The following FBN2 variants were observed in gnomAD, a reference collection of about 807,000 sequenced individuals.
FBN2 encodes fibrillin 2.
A neutral mutation model predicts 355.6 loss-of-function variants in FBN2; 105 were observed. The ratio of observed to expected loss-of-function variants is 0.30; its 90% CI spans 0.25 to 0.35. The LOEUF is 0.35. FBN2 is among the 10% of genes least tolerant of loss of function. The pLI is 1.00. For missense variants in FBN2, 3,280 were observed against 3,758.7 expected (o/e 0.87, Z 3.33); for synonymous variants, 1,350 against 1,301.2 (o/e 1.04, Z -0.81).
chr5:128,305,130 A>G (rs1386109998), intron 44 of FBN2, 48 bp from the exon 45 acceptor site: 5 of 1,449,922 alleles, frequency 3.4e-6, no homozygotes, highest in Non-Finnish European at 3.8e-6. Context: ...TTTTATTAAG[A>G]TTTCTTCATT....
At chr5:128,345,981 G>A (rs904964082) in intron 23 of FBN2, among the ~76,000 whole-genome samples, 23 of 152,036 alleles carry the variant, frequency 1.5e-4, no homozygotes, top group Admixed American at 1.3e-3. Context: ...GTAAATGATC[G>A]GCTATAATCT....
chr5:128,415,812 C>T (rs887594429), intron 7 of FBN2, among the ~76,000 whole-genome samples: 1 of 152,150 alleles, frequency 6.6e-6, no homozygotes, highest in African/African-American at 2.4e-5. Context: ...ATTTACATTA[C>T]CACCAACAGT....
rs562200664 is a variant in FBN2 at position 128,534,637 on chromosome 5, T to C, written c.337+1765A>G. Among the ~76,000 whole-genome samples the C allele has an allele frequency of 7.9e-5, 12 of 152,322 alleles. No homozygotes were observed. The East Asian group carries it at 1.9e-3, about 24-fold the overall frequency. Reference sequence around the variant, plus strand: ...AATGTAGCTCATAACCATCCAAATATTTCAAGTCTCAGAAATGCAGATTAC... The same window carrying C: ...AATGTAGCTCATAACCATCCAAATACTTCAAGTCTCAGAAATGCAGATTAC... On this transcript the variant is annotated intron_variant, in intron 2 of 64. Coordinates refer to ENST00000262464, the MANE Select transcript of FBN2 (RefSeq NM_001999.4).
In FBN2 at chr5:128,278,699, A is replaced by G. The variant is rs1280536776; in HGVS notation, c.7281T>C (p.Leu2427=). 1.2e-6 allele frequency: 2 copies of G among 1,614,156 alleles called. No homozygotes were observed. The highest frequency in any genetic ancestry group is 2.2e-5 in the South Asian group (2 of 91,078). The change falls in exon 57 of 65, where the codon CTT becomes CTC. Residue 2427 remains leucine (L), a synonymous_variant. Transcript: ENST00000262464. The part of the protein sequence containing the change: ...GWGHQCELCP[L]PGTAQYKKIC... ...TCTTTTTGTACTGGGCAGTTCCAGGAAGTGGGCAAAGCTCGCACTGGTGGC... is the reference window on the plus strand; with the variant it reads ...TCTTTTTGTACTGGGCAGTTCCAGGGAGTGGGCAAAGCTCGCACTGGTGGC...
intron 11 of FBN2, among the ~76,000 whole-genome samples, chr5:128,390,429 T>G (rs916157197): frequency 6.6e-6 from 1 of 152,182 alleles, no homozygotes; most frequent in Non-Finnish European, 1.5e-5. Flanking sequence ...CAATGATAGT[T>G]GCTTAGCACA....
chr5:128,524,529 C>T (rs1254535058), intron 4 of FBN2, among the ~76,000 whole-genome samples: 1 of 152,160 alleles, frequency 6.6e-6, no homozygotes, highest in Non-Finnish European at 1.5e-5. Context: ...CTAAGAAGTG[C>T]TGTCTGTTTC....
intron 30 of FBN2, 119 bp from the exon 31 acceptor site, chr5:128,334,963 C>A: frequency 8.7e-7 from 1 of 1,151,244 alleles, no homozygotes; most frequent in Non-Finnish European, 1.3e-6. Flanking sequence ...ATAATCCATC[C>A]GCAAATCATC....
intron 33 of FBN2, among the ~76,000 whole-genome samples, 167 bp downstream of exon 33, chr5:128,330,406 G>A (rs2126888776): frequency 6.6e-6 from 1 of 152,242 alleles, no homozygotes; most frequent in South Asian, 2.1e-4. Flanking sequence ...AGTCATTCAG[G>A]TTTTTGTGTT....
intron 4 of FBN2, among the ~76,000 whole-genome samples, chr5:128,520,352 T>C (rs138497794): frequency 1.1e-4 from 16 of 152,332 alleles, no homozygotes; most frequent in Non-Finnish European, 2.2e-4. Context: ...GAGAAAATAC[T>C]GATACTGAAA....
intron 5 of FBN2, among the ~76,000 whole-genome samples, chr5:128,479,962 CTCTCTCTCTCTCTCTATATATATATA>C (rs1561477118): frequency 4.5e-4 from 17 of 37,538 alleles, no homozygotes; most frequent in Admixed American, 3.1e-3. Context: ...CTCTCTCTCT[CTCTCTCTCTCTCTCTATATATATATA>C]TATATATATA....
At chr5:128,345,686 T>G (rs1307307802) in intron 23 of FBN2, 102 bp from the exon 24 acceptor site, 2 of 1,039,290 alleles carry the variant, frequency 1.9e-6, no homozygotes, top group Admixed American at 3.8e-5. Context: ...GCAGGACCCT[T>G]GCGGTGTACT....
intron 39 of FBN2, among the ~76,000 whole-genome samples, chr5:128,310,819 T>C (rs1026738606): frequency 1.3e-5 from 2 of 152,098 alleles, no homozygotes; most frequent in Admixed American, 6.6e-5. Context: ...AGTTTAGTGG[T>C]GAGACAGGCC....
At position 128,259,609 on chromosome 5, in the gene FBN2, T is replaced by G. The variant is rs1312384885; in HGVS notation, c.8585A>C (p.Lys2862Thr). 1.2e-6 allele frequency: 2 copies of G among 1,613,974 alleles called. No individual in the cohort carries two copies. The highest frequency in any genetic ancestry group is 2.7e-5 in the African/African-American group (2 of 74,922). The stretch of plus-strand genomic sequence containing the variant: ...CAGTGTGTATGTGCCGGGCATGAGC[T>G]TCTTCTTGGCCGTGTGCAAGTAGCT... Reference protein sequence around the residue: ...GLSYLHTAKKKLMPGTYTLEI... With the variant: ...GLSYLHTAKKTLMPGTYTLEI... Residue 2862 changes from lysine (K) to threonine (T), a missense_variant, in exon 65 of 65, where the codon AAG becomes ACG. By Grantham distance (78) the Lys-to-Thr change is moderately conservative. This residue lies in a region of FBN2 where 311 missense variants were observed against 319.1 expected (regional missense o/e 0.97). Transcript: ENST00000262464.
intron 59 of FBN2, 140 bp downstream of exon 59, chr5:128,275,898 C>T (rs1432567044): frequency 8.6e-6 from 8 of 933,584 alleles, no homozygotes; most frequent in African/African-American, 1.6e-5. Context: ...TAGAGTTTTT[C>T]TATGAGCAAT....
intron 5 of FBN2, among the ~76,000 whole-genome samples, chr5:128,514,990 C>T (rs960496276): frequency 6.6e-6 from 1 of 152,202 alleles, no homozygotes; most frequent in East Asian, 1.9e-4. Context: ...GGTCATACTA[C>T]TAATTTGCTA....
rs1421466243 is a variant in FBN2 at position 128,536,391 on chromosome 5, C to CA, written c.337+10dup. ...CGCTGCCCCAAGCTGCGATCCCTGC[C>CA]AAGCACTCACGGACAATGCACTGGT... On this transcript the variant is annotated intron_variant, in intron 2 of 64. Transcript: ENST00000262464. The CA allele has an allele frequency of 6.2e-7, 1 of 1,612,162 alleles. No individual in the cohort carries two copies. Among genetic ancestry groups the CA allele is most frequent in the African/African-American group, 1.3e-5 (1 of 74,890 alleles).
chr5:128,279,116 C>A (rs1261301314), intron 56 of FBN2, among the ~76,000 whole-genome samples: 1 of 152,072 alleles, frequency 6.6e-6, no homozygotes, highest in African/African-American at 2.4e-5. Flanking sequence ...AGTGACCTAC[C>A]ATTTCTGTAG....
chr5:128,442,632 C>CTGGCACAGTT (rs2127050037), intron 7 of FBN2, among the ~76,000 whole-genome samples: 1 of 152,234 alleles, frequency 6.6e-6, no homozygotes, highest in African/African-American at 2.4e-5. Flanking sequence ...GGGAACCAAA[C>CTGGCACAGTT]TGGCACAGCA....
intron 39 of FBN2, among the ~76,000 whole-genome samples, 169 bp downstream of exon 39, chr5:128,311,126 ATTAAT>A (rs1298526012): frequency 2.0e-5 from 3 of 152,160 alleles, no homozygotes; most frequent in Non-Finnish European, 4.4e-5. Flanking sequence ...CGAGCCATAA[ATTAAT>A]TTGTCTATCA....
Sources: allele counts gnomAD v4.1 joint callset (sites outside exome capture counted in the v4.1 genomes callset), GRCh38; gene constraint gnomAD v4.1.1; regional missense constraint gnomAD v4.1.1; transcripts MANE v1.5; gene names NCBI Gene and HGNC (gene_info 2026-07-23, HGNC 2026-07-21).